USP13: variants seen among roughly 807,000 people sequenced by gnomAD.
USP13 encodes the protein ubiquitin carboxyl-terminal hydrolase 13.
In USP13, 68 loss-of-function variants were observed where a neutral mutation model predicts 107.8. The observed-to-expected ratio is 0.63, with a 90% CI of 0.52 to 0.77. The LOEUF (loss-of-function observed/expected upper bound fraction) is 0.77. Among genes scored for constraint, USP13 ranks in the 30% least tolerant of loss-of-function variants. The pLI is 0.00. For synonymous variants in USP13, 377 were observed against 389.5 expected (o/e 0.97, Z 0.38); for missense variants, 945 against 1,093.3 (o/e 0.86, Z 1.91).
chr3:179,658,456 T>C (rs759815761), intron 1 of USP13, among the ~76,000 whole-genome samples: 1 of 152,166 alleles, frequency 6.6e-6, no homozygotes, highest in Non-Finnish European at 1.5e-5. Flanking sequence ...CCACCTGCAT[T>C]GTAAGTGGAG....
At chr3:179,766,419 G>A (rs73885938) in intron 19 of USP13, among the ~76,000 whole-genome samples, 1,620 of 152,210 alleles carry the variant, frequency 0.011, 32 homozygotes, top group African/African-American at 0.038. Context: ...GTTCCTTTGA[G>A]GTAAAATTTC....
intron 10 of USP13, among the ~76,000 whole-genome samples, chr3:179,739,255 A>G (rs1054559698): frequency 5.9e-5 from 9 of 152,142 alleles, no homozygotes; most frequent in African/African-American, 2.2e-4. Context: ...TCCCCCACGA[A>G]ATCCAGCATC....
intron 5 of USP13, 147 bp from the exon 6 acceptor site, chr3:179,708,626 T>G: frequency 9.5e-7 from 1 of 1,050,822 alleles, no homozygotes; most frequent in East Asian, 2.5e-5. Context: ...AACAATGTCT[T>G]GAGGGGAGAA....
rs1712500882 is a variant in USP13 at position 179,701,100 on chromosome 3, C to A, written c.448C>A (p.Leu150Ile). ...ATTCCCAGATCACTATGAAATAGCA[C>A]TACCAAATATTGAGGAGTTACCAGC... ...VIFPDHYEIA[L>I]PNIEELPALV... is the part of the protein sequence containing the mutation. Residue 150 changes from leucine (L) to isoleucine (I), a missense_variant, in exon 4 of 21, where the codon CTA (leucine) becomes ATA (isoleucine). Leu to Ile is a conservative substitution (Grantham distance 5). Transcript: ENST00000263966. 6.2e-7 allele frequency: 1 copy of A among 1,613,066 alleles called. No homozygotes were observed. The highest frequency in any genetic ancestry group is 8.5e-7 in the Non-Finnish European group (1 of 1,179,668).
intron 10 of USP13, 150 bp from the exon 11 acceptor site, chr3:179,740,097 G>A (rs1005113773): frequency 8.4e-6 from 9 of 1,072,832 alleles, no homozygotes; most frequent in South Asian, 4.7e-5. Flanking sequence ...AACACCCAGC[G>A]AGTATTGGCC....
intron 19 of USP13, among the ~76,000 whole-genome samples, chr3:179,777,781 TAGAG>T (rs1380969174): frequency 6.6e-6 from 1 of 152,180 alleles, no homozygotes; most frequent in Non-Finnish European, 1.5e-5. Context: ...TGAAAATTCT[TAGAG>T]AGCAGCCACA....
intron 16 of USP13, among the ~76,000 whole-genome samples, chr3:179,759,271 G>A (rs147914456): frequency 0.013 from 1,905 of 152,236 alleles, 31 homozygotes; most frequent in Non-Finnish European, 0.014. Flanking sequence ...GTGAGCCACC[G>A]CGCCCAGCCG....
At chr3:179,724,598 C>A (rs1386685800) in intron 8 of USP13, among the ~76,000 whole-genome samples, 1 of 152,096 alleles carries the variant, frequency 6.6e-6, no homozygotes, top group Admixed American at 6.6e-5. Flanking sequence ...TTCCTTGGTA[C>A]CCTGTCTGCC....
At chr3:179,743,560 A>G (rs981012725) in intron 12 of USP13, among the ~76,000 whole-genome samples, 4 of 152,072 alleles carry the variant, frequency 2.6e-5, no homozygotes, top group African/African-American at 9.7e-5. Context: ...GTTTTTGATC[A>G]GTTTCAAAAT....
At chr3:179,707,403 C>T (rs952624287) in intron 5 of USP13, among the ~76,000 whole-genome samples, 4 of 152,134 alleles carry the variant, frequency 2.6e-5, no homozygotes, top group Non-Finnish European at 4.4e-5. Context: ...CTCCCTCCCT[C>T]CTCCTGGAGC....
At chr3:179,683,468 T>C (rs1201444873) in intron 2 of USP13, among the ~76,000 whole-genome samples, 3 of 152,224 alleles carry the variant, frequency 2.0e-5, no homozygotes, top group Non-Finnish European at 2.9e-5. Context: ...TTAACAGACT[T>C]ACAGTTCCAT....
intron 6 of USP13, among the ~76,000 whole-genome samples, chr3:179,714,167 T>C (rs1713021556): frequency 6.6e-6 from 1 of 152,150 alleles, no homozygotes; most frequent in South Asian, 2.1e-4. Context: ...CAGAAACTAG[T>C]TTACCCGAGA....
intron 1 of USP13, among the ~76,000 whole-genome samples, chr3:179,667,048 C>T (rs1342180684): frequency 1.3e-5 from 2 of 152,214 alleles, no homozygotes; most frequent in Non-Finnish European, 2.9e-5. Context: ...TTATTGCTGT[C>T]CTCTCTGGAA....
chr3:179,699,747 TTTTATTTATTTATTTATTTA>T (rs71628092), intron 3 of USP13, among the ~76,000 whole-genome samples: 8 of 138,036 alleles, frequency 5.8e-5, no homozygotes, highest in African/African-American at 1.1e-4. Flanking sequence ...ATCTTATTTA[TTTTATTTATTTATTTATTTA>T]TTTATTTATT....
At chr3:179,669,086 A>T (rs1313178132) in intron 1 of USP13, among the ~76,000 whole-genome samples, 1 of 152,134 alleles carries the variant, frequency 6.6e-6, no homozygotes. Flanking sequence ...AATCAGAACC[A>T]TTAGGAGTTG....
intron 1 of USP13, among the ~76,000 whole-genome samples, chr3:179,664,416 A>T (rs1045563258): frequency 6.6e-6 from 1 of 152,198 alleles, no homozygotes; most frequent in Non-Finnish European, 1.5e-5. Flanking sequence ...TTTTCATGTT[A>T]TCTTATTATC....
At chr3:179,761,038 G>A in intron 16 of USP13, 74 bp from the exon 17 acceptor site, 1 of 1,572,630 alleles carries the variant, frequency 6.4e-7, no homozygotes, top group Non-Finnish European at 8.7e-7. Flanking sequence ...ATGTGGATAG[G>A]AGAGTGGAGA....
intron 4 of USP13, 128 bp from the exon 5 acceptor site, chr3:179,706,806 C>A: frequency 8.8e-7 from 1 of 1,138,126 alleles, no homozygotes; most frequent in Non-Finnish European, 1.2e-6. Flanking sequence ...GGATCCCTCT[C>A]TTGCGACAAC....
chr3:179,660,287 C>T (rs1474086658), intron 1 of USP13, among the ~76,000 whole-genome samples: 1 of 152,206 alleles, frequency 6.6e-6, no homozygotes, highest in African/African-American at 2.4e-5. Flanking sequence ...CCCCACTTCT[C>T]CCTTCTCCTA....
Sources: gnomAD v4.1 joint callset for allele counts (sites outside exome capture counted in the v4.1 genomes callset) on GRCh38, gnomAD v4.1.1 for gene constraint, MANE v1.5 for transcripts, NCBI Gene and HGNC (gene_info 2026-07-23, HGNC 2026-07-21) for gene names.